ST3GAL3: variants seen among roughly 807,000 people sequenced by gnomAD.
ST3GAL3 encodes ST3 beta-galactoside alpha-2,3-sialyltransferase 3, also known as CMP-N-acetylneuraminate-beta-1,4-galactoside alpha-2,3-sialyltransferase.
A neutral mutation model predicts 50.1 loss-of-function variants in ST3GAL3; 21 were observed. The ratio of observed to expected loss-of-function variants is 0.42; its 90% CI spans 0.30 to 0.60. The LOEUF (loss-of-function observed/expected upper bound fraction) is 0.60, where lower values mean the gene tolerates loss of function less well. Ranked by LOEUF, ST3GAL3 falls within the 20% of genes least tolerant of loss-of-function variation. ST3GAL3 has a pLI of 0.19. For missense variants in ST3GAL3, 353 were observed against 489.4 expected, an observed-to-expected ratio of 0.72 and a Z score of 2.63; for synonymous variants, 183 against 190.0, an observed-to-expected ratio of 0.96 and a Z score of 0.30.
intron 2 of ST3GAL3, among the ~76,000 whole-genome samples, chr1:43,757,255 G>C (rs1312232424): frequency 6.6e-6 from 1 of 152,060 alleles, no homozygotes; most frequent in Non-Finnish European, 1.5e-5. Context: ...ATCCCAGAAG[G>C]CTTGGGTTTT....
chr1:43,790,262 A>G (rs1334726361), intron 2 of ST3GAL3, among the ~76,000 whole-genome samples: 1 of 152,222 alleles, frequency 6.6e-6, no homozygotes, highest in African/African-American at 2.4e-5. Context: ...TGAAACTTAC[A>G]ACCTAGCAGT....
At chr1:43,879,671 T>C (rs1053841527) in intron 5 of ST3GAL3, among the ~76,000 whole-genome samples, 1 of 152,162 alleles carries the variant, frequency 6.6e-6, no homozygotes, top group African/African-American at 2.4e-5. Flanking sequence ...TGTTGCTCTT[T>C]GTGAGGATCT....
chr1:43,800,636 G>A (rs577807728), intron 3 of ST3GAL3, among the ~76,000 whole-genome samples: 3 of 152,276 alleles, frequency 2.0e-5, no homozygotes, highest in African/African-American at 7.2e-5. Context: ...TTCATGATTG[G>A]GGGATCTTGA....
At chr1:43,795,851 A>G (rs11210926) in intron 3 of ST3GAL3, among the ~76,000 whole-genome samples, 55,529 of 151,990 alleles carry the variant, frequency 0.37, 10,900 homozygotes, top group East Asian at 0.59. Flanking sequence ...CCAGAATTCA[A>G]TGTATTACTG....
At chr1:43,717,411 C>T (rs935398620) in intron 1 of ST3GAL3, among the ~76,000 whole-genome samples, 2 of 151,968 alleles carry the variant, frequency 1.3e-5, no homozygotes. Flanking sequence ...CAATATGGAA[C>T]TACTGCATAG....
chr1:43,899,792 C>T lies in ST3GAL3; in HGVS notation c.744+65C>T. 6.8e-7 allele frequency: 1 copy of T among 1,462,108 alleles called. No homozygotes were observed. The allele number at this position is 1,462,108 out of a possible 1,614,324, so 90.6% of individuals were successfully genotyped here. Reference sequence around the variant, plus strand: ...GGGCTTCCGCAACTCCTAAGCAATCCCGCCCCTTGAATGCAGCAAAGAACG... The same window carrying T: ...GGGCTTCCGCAACTCCTAAGCAATCTCGCCCCTTGAATGCAGCAAAGAACG... On this transcript the variant is annotated intron_variant, in intron 9 of 11. Coordinates refer to ENST00000347631, the MANE Select transcript of ST3GAL3 (RefSeq NM_006279.5). This position sits in a 1 kb window ranked among gnomAD's most constrained non-coding sequence, Gnocchi z 5.4.
At chr1:43,916,942 A>G (rs182343568) in intron 9 of ST3GAL3, 1 of 152,358 alleles carries the variant, frequency 6.6e-6, no homozygotes, top group Admixed American at 6.5e-5. Context: ...GTATCATTTA[A>G]TGAAACCTCT....
intron 5 of ST3GAL3, among the ~76,000 whole-genome samples, chr1:43,876,281 T>C (rs1007737942): frequency 3.3e-5 from 5 of 152,068 alleles, no homozygotes; most frequent in Admixed American, 1.3e-4. Flanking sequence ...TCTCTTCACT[T>C]TATTTTTGAC....
chr1:43,891,042 C>T (rs552491266), intron 5 of ST3GAL3, among the ~76,000 whole-genome samples: 5 of 152,210 alleles, frequency 3.3e-5, no homozygotes, highest in African/African-American at 1.2e-4. Flanking sequence ...CATGAGCTTC[C>T]CTAGCTACTC....
chr1:43,902,404 G>C (rs1027305199), intron 9 of ST3GAL3, among the ~76,000 whole-genome samples: 2 of 152,194 alleles, frequency 1.3e-5, no homozygotes, highest in East Asian at 1.9e-4. Flanking sequence ...ATAGGATATG[G>C]GAAGGGGCAG....
chr1:43,777,815 T>C (rs1056037282), intron 2 of ST3GAL3, among the ~76,000 whole-genome samples: 2 of 152,138 alleles, frequency 1.3e-5, no homozygotes, highest in Non-Finnish European at 2.9e-5. Context: ...TCAGAGTGAA[T>C]AGATAAACTA....
intron 1 of ST3GAL3, among the ~76,000 whole-genome samples, chr1:43,730,680 C>G (rs567201399): frequency 6.6e-6 from 1 of 151,148 alleles, no homozygotes; most frequent in East Asian, 2.0e-4. Flanking sequence ...AAGCAATCCT[C>G]CTACCTCAGC....
chr1:43,727,164 T>C (rs1673329792), intron 1 of ST3GAL3: 1 of 152,206 alleles, frequency 6.6e-6, no homozygotes, highest in African/African-American at 2.4e-5. Flanking sequence ...TGATTCCTTT[T>C]TCCTTTTGAC....
intron 5 of ST3GAL3, among the ~76,000 whole-genome samples, chr1:43,872,194 G>A (rs1431731390): frequency 7.3e-5 from 8 of 109,270 alleles, no homozygotes; most frequent in Admixed American, 3.5e-4. Flanking sequence ...TGAGGGACAG[G>A]AGGGGGTGTA....
chr1:43,770,362 C>T (rs769814886), intron 2 of ST3GAL3, among the ~76,000 whole-genome samples: 8 of 151,828 alleles, frequency 5.3e-5, no homozygotes, highest in Non-Finnish European at 8.8e-5. Flanking sequence ...AATTAACAAA[C>T]ACAAACAGAA....
intron 2 of ST3GAL3, among the ~76,000 whole-genome samples, chr1:43,744,691 A>T (rs937356525): frequency 2.3e-4 from 18 of 77,058 alleles, no homozygotes; most frequent in Non-Finnish European, 1.7e-4. Context: ...AATAAATAAA[A>T]TAAAATAAAA....
chr1:43,751,816 AT>A (rs369486334), intron 2 of ST3GAL3, among the ~76,000 whole-genome samples: 4 of 150,782 alleles, frequency 2.7e-5, no homozygotes, highest in African/African-American at 7.3e-5. Context: ...AATTGGTTAC[AT>A]TTTTTTTTGT....
At chr1:43,885,377 G>C (rs570813963) in intron 5 of ST3GAL3, among the ~76,000 whole-genome samples, 1 of 152,258 alleles carries the variant, frequency 6.6e-6, no homozygotes, top group Non-Finnish European at 1.5e-5. Flanking sequence ...CTCCTTCCCC[G>C]GGTCCTTCTC....
rs78307296 is a variant in ST3GAL3, at chr1:43,724,656, A to G, written c.-30-11577A>G. Reference sequence around the variant, plus strand: ...GAAAAAGAGACAAGATGTTTTCTAAATGCTATGATGGAGGTGAGCATGGGA... The same window carrying G: ...GAAAAAGAGACAAGATGTTTTCTAAGTGCTATGATGGAGGTGAGCATGGGA... On this transcript the variant is annotated intron_variant, in intron 1 of 11. Coordinates refer to ENST00000347631, the MANE Select transcript of ST3GAL3 (RefSeq NM_006279.5). Among the ~76,000 whole-genome samples, 25 of 152,288 alleles carry G rather than the reference A, an allele frequency of 1.6e-4. No homozygotes were observed. In the East Asian group the frequency reaches 4.8e-3, roughly 29 times the overall value.
Sources: gnomAD v4.1 joint callset for allele counts (sites outside exome capture counted in the v4.1 genomes callset) on GRCh38, gnomAD v4.1.1 for gene constraint, Gnocchi (gnomAD v3.1) non-coding constraint, MANE v1.5 for transcripts, NCBI Gene and HGNC (gene_info 2026-07-23, HGNC 2026-07-21) for gene names.